The following PODN variants were observed in gnomAD, a reference collection of about 807,000 sequenced individuals.
The protein encoded by PODN is podocan, also known as podocan proteoglycan.
In PODN, 40 loss-of-function variants were observed where a neutral mutation model predicts 52.7. The observed-to-expected ratio is 0.76, with a 90% CI of 0.59 to 0.99. The LOEUF is 0.99. Ranked by LOEUF, PODN falls within the 50% of genes least tolerant of loss-of-function variation. The probability of loss-of-function intolerance (pLI) is 0.00; values close to 1 mark genes in which losing one functional copy is unlikely to be tolerated. For synonymous variants in PODN, 396 were observed against 377.9 expected, an observed-to-expected ratio of 1.05 and a Z score of -0.56; for missense variants, 720 against 815.1, an observed-to-expected ratio of 0.88 and a Z score of 1.42.
intron 5 of PODN, 74 bp downstream of exon 5, chr1:53,076,045 TGAGGCAGAGACAGGTCCCGAAG>T: frequency 7.8e-7 from 1 of 1,279,238 alleles, no homozygotes; most frequent in Non-Finnish European, 1.1e-6. Flanking sequence ...CCATCCTGTG[TGAGGCAGAGACAGGTCCCGAAG>T]GAGGCCCTGC....
In PODN at chr1:53,069,968, T is replaced by C. The variant is rs1572261156; in HGVS notation, c.113T>C (p.Leu38Pro). The C allele has an allele frequency of 6.2e-7, 1 of 1,605,932 alleles. No homozygotes were observed. Among genetic ancestry groups the C allele is most frequent in the Non-Finnish European group, 8.5e-7 (1 of 1,176,740 alleles). Residue 38 changes from leucine (L) to proline (P), a missense_variant, in exon 2 of 11, where the codon CTG becomes CCG. Transcript: ENST00000312553. ...PGFGRSGGHS[L>P]SPEENEFAEE... ...TTTGGCCGAAGTGGCGGCCACAGCCTGAGCCCCGAAGAGAACGAATTTGCG... is the reference window on the plus strand; with the variant it reads ...TTTGGCCGAAGTGGCGGCCACAGCCCGAGCCCCGAAGAGAACGAATTTGCG...
Position 53,078,833 on chromosome 1 carries a change from G to C in PODN, c.1323G>C (p.Arg441=), listed in dbSNP as rs766939996. 3.1e-6 allele frequency: 5 copies of C among 1,612,762 alleles called. No individual in the cohort carries two copies. In the South Asian group the frequency reaches 5.5e-5, roughly 18 times the overall value. The part of the protein sequence containing the change: ...LLRSLDLSGN[R]LHTLPPGLPR... ...GCTCGCTGGACCTGTCGGGCAACCG[G>C]CTGCACACGCTGCCACCTGGGCTGC... The change falls in exon 8 of 11, where the codon CGG becomes CGC. Residue 441 remains arginine, a synonymous_variant. Transcript: ENST00000312553.
chr1:53,076,024 G>A (rs1257094475), intron 5 of PODN, 53 bp downstream of exon 5: 5 of 1,413,270 alleles, frequency 3.5e-6, no homozygotes, highest in African/African-American at 1.4e-5. Flanking sequence ...GAGGGGCTGA[G>A]GTGGAGGCTG....
intron 1 of PODN, chr1:53,063,321 C>T: frequency 2.0e-6 from 2 of 981,342 alleles, no homozygotes; most frequent in East Asian, 1.1e-4. Flanking sequence ...TCACCCAGCG[C>T]TTGGAGTGAA....
At chr1:53,068,297 T>C (rs1408438702) in intron 1 of PODN, among the ~76,000 whole-genome samples, 1 of 152,180 alleles carries the variant, frequency 6.6e-6, no homozygotes, top group Non-Finnish European at 1.5e-5. Context: ...AAAACCCTCC[T>C]AGGACCAGGG....
chr1:53,069,678 C>T (rs749936303), intron 1 of PODN, 123 bp from the exon 2 acceptor site: 25 of 1,375,214 alleles, frequency 1.8e-5, no homozygotes, highest in Admixed American at 6.0e-5. Flanking sequence ...TGGGCAGGTG[C>T]GGAGGGCAGC....
chr1:53,079,800 G>T (rs1442920261), intron 8 of PODN, among the ~76,000 whole-genome samples: 1 of 151,948 alleles, frequency 6.6e-6, no homozygotes, highest in African/African-American at 2.4e-5. Context: ...TTTGAGGCTT[G>T]CCCGGGCAAC....
In PODN at chr1:53,078,972, C is replaced by T. The variant is rs780215568; in HGVS notation, c.1462C>T (p.Arg488Cys). The T allele has an allele frequency of 1.1e-5, 18 of 1,575,188 alleles. No homozygotes were observed. Among genetic ancestry groups the T allele is most frequent in the Middle Eastern group, 2.1e-4 (1 of 4,788 alleles). Residue 488 changes from arginine (R) to cysteine (C), a missense_variant, in exon 8 of 11, where the codon CGC (arginine) becomes TGC (cysteine). Physicochemically the swap from Arg to Cys is radical, Grantham distance 180. Transcript: ENST00000312553. Reference sequence around the variant, plus strand: ...GCTGTACCTCACCAGCAACCGACTGCGCAGCCGAGCCCTGGGCCCCCGTGC... The same window carrying T: ...GCTGTACCTCACCAGCAACCGACTGTGCAGCCGAGCCCTGGGCCCCCGTGC... ...RELYLTSNRL[R>C]SRALGPRAWV...
intron 1 of PODN, among the ~76,000 whole-genome samples, chr1:53,069,246 A>G (rs1644075493): frequency 6.6e-6 from 1 of 152,218 alleles, no homozygotes; most frequent in Admixed American, 6.5e-5. Context: ...TGCTGATTGC[A>G]CAAGACAGAG....
chr1:53,066,483 T>G (rs1169424137), intron 1 of PODN, among the ~76,000 whole-genome samples: 1 of 152,174 alleles, frequency 6.6e-6, no homozygotes, highest in Admixed American at 6.5e-5. Flanking sequence ...TACACTTACA[T>G]CTCCATGTGG....
chr1:53,074,250 C>T (rs1346043148), intron 3 of PODN, among the ~76,000 whole-genome samples: 1 of 152,246 alleles, frequency 6.6e-6, no homozygotes, highest in African/African-American at 2.4e-5. Flanking sequence ...GCCCCCCTGC[C>T]TGTGGATGGG....
At chr1:53,077,922 G>A in intron 7 of PODN, 122 bp downstream of exon 7, 1 of 723,588 alleles carries the variant, frequency 1.4e-6, no homozygotes, top group Non-Finnish European at 2.3e-6. Flanking sequence ...CCCTGGAGAA[G>A]GAACTTTAAG....
At chr1:53,064,217 C>G (rs527875617) in intron 1 of PODN, among the ~76,000 whole-genome samples, 1 of 152,372 alleles carries the variant, frequency 6.6e-6, no homozygotes, top group African/African-American at 2.4e-5. Flanking sequence ...TCCCCAGCAC[C>G]CCCACTCCAT....
At chr1:53,062,945 A>G (rs1185948523) in intron 1 of PODN, among the ~76,000 whole-genome samples, 1 of 152,204 alleles carries the variant, frequency 6.6e-6, no homozygotes, top group South Asian at 2.1e-4. Flanking sequence ...GAGTCCGTCT[A>G]TCTGTCTACG....
intron 10 of PODN, among the ~76,000 whole-genome samples, chr1:53,084,107 C>A (rs905692550): frequency 6.6e-6 from 1 of 152,062 alleles, no homozygotes. Flanking sequence ...TTGGGGGTCA[C>A]CTTCCCCAGC....
At chr1:53,079,319 G>T (rs554999084) in intron 8 of PODN, among the ~76,000 whole-genome samples, 1 of 152,204 alleles carries the variant, frequency 6.6e-6, no homozygotes, top group Non-Finnish European at 1.5e-5. Flanking sequence ...TGGTATGACC[G>T]AGCTGAGCTC....
rs761268785 is a variant in PODN, at chr1:53,069,781, G to T, written c.-55-20G>T. 3.8e-6 allele frequency: 6 copies of T among 1,561,746 alleles called. No homozygotes were observed. On this transcript the variant is annotated intron_variant, in intron 1 of 10. Coordinates refer to ENST00000312553, the MANE Select transcript of PODN (RefSeq NM_153703.5). ...GTCATGACTTTCGAGGGCCCCAGCTGTGTCCACTGTACCTCACAGGTTCCG... is the reference window on the plus strand; with the variant it reads ...GTCATGACTTTCGAGGGCCCCAGCTTTGTCCACTGTACCTCACAGGTTCCG...
At chr1:53,072,242 G>A (rs1017242917) in intron 3 of PODN, among the ~76,000 whole-genome samples, 2 of 152,072 alleles carry the variant, frequency 1.3e-5, no homozygotes, top group African/African-American at 2.4e-5. Flanking sequence ...GATTCTAACA[G>A]CAGCAAAAAT....
rs532378117 is a variant in PODN, at chr1:53,063,657, A to G, written c.-56+1349A>G. The G allele has an allele frequency of 2.3e-5, 19 of 825,408 alleles. No individual in the cohort carries two copies. The East Asian group carries it at 2.0e-3, about 86-fold the overall frequency. 51.1% of individuals were successfully genotyped at this position (825,408 alleles called of 1,614,324 possible). A position where few individuals can be genotyped will look rare whatever the true frequency, so the allele number is the denominator to read the frequency against. On this transcript the variant is annotated intron_variant, in intron 1 of 10. Coordinates refer to ENST00000312553, the MANE Select transcript of PODN (RefSeq NM_153703.5). ...CTCATGTCCACTCTTAGGGCCCAAG[A>G]CCCAGTCTACTCTAGCCTAGAGTGC... is the stretch of plus-strand genomic sequence containing the variant.
Sources: gnomAD v4.1 joint callset for allele counts (sites outside exome capture counted in the v4.1 genomes callset) on GRCh38, gnomAD v4.1.1 for gene constraint, MANE v1.5 for transcripts, NCBI Gene and HGNC (gene_info 2026-07-23, HGNC 2026-07-21) for gene names.